Variants in CNTLN observed in about 807,000 individuals in gnomAD.
CNTLN encodes the protein centlein, also known as centlein, centrosomal protein.
A neutral mutation model predicts 180.0 loss-of-function variants in CNTLN; 212 were observed. The observed-to-expected ratio is 1.18, with a 90% confidence interval of 1.05 to 1.32. The LOEUF is 1.32. Among genes scored for constraint, CNTLN ranks in the 40% most tolerant of loss-of-function variants. The pLI, the probability that CNTLN is intolerant of heterozygous loss-of-function variation, is 0.00. For missense variants in CNTLN, 2,095 were observed against 1,610.9 expected, an observed-to-expected ratio of 1.30 and a Z score of -5.14; for synonymous variants, 722 against 563.1, an observed-to-expected ratio of 1.28 and a Z score of -3.99.
At chr9:17,295,563 A>G (rs1335195704) in intron 6 of CNTLN, among the ~76,000 whole-genome samples, 1 of 151,966 alleles carries the variant, frequency 6.6e-6, no homozygotes, top group Non-Finnish European at 1.5e-5. Flanking sequence ...TTGCCGGTGC[A>G]GGATTCACTC....
At chr9:17,256,985 T>A (rs1387280082) in intron 5 of CNTLN, among the ~76,000 whole-genome samples, 5 of 152,016 alleles carry the variant, frequency 3.3e-5, no homozygotes, top group African/African-American at 4.8e-5. Context: ...ATTTTTTTTT[T>A]ATTATTATAC....
At chr9:17,178,451 C>G (rs1820878020) in intron 2 of CNTLN, among the ~76,000 whole-genome samples, 1 of 152,136 alleles carries the variant, frequency 6.6e-6, no homozygotes, top group African/African-American at 2.4e-5. Context: ...ACTGGGCGCC[C>G]TGGAATAGGG....
In CNTLN at chr9:17,477,374, T is replaced by G. The variant is rs115116906; in HGVS notation, c.3856-6921T>G. Among the ~76,000 whole-genome samples the G allele has an allele frequency of 6.4e-3, 982 of 152,266 alleles. 8 individuals carry two copies. The highest frequency in any genetic ancestry group is 0.023 in the African/African-American group (951 of 41,554). On this transcript the variant is annotated intron_variant, in intron 23 of 25. Transcript: ENST00000380647. The stretch of plus-strand genomic sequence containing the variant: ...TTGAAGACTTTAAAGTCTTATTATT[T>G]AAGAAATACATTTCACAAGGCATAG...
intron 15 of CNTLN, among the ~76,000 whole-genome samples, chr9:17,403,028 G>A (rs980430149): frequency 2.6e-5 from 4 of 151,704 alleles, no homozygotes; most frequent in African/African-American, 7.3e-5. Context: ...TTGAGGGAGT[G>A]CGTCAAAAGA....
chr9:17,211,586 G>A (rs1308403642), intron 2 of CNTLN, among the ~76,000 whole-genome samples: 5 of 152,096 alleles, frequency 3.3e-5, no homozygotes, highest in Admixed American at 2.6e-4. Flanking sequence ...TTCCAATTCT[G>A]TGAAGAAAGT....
intron 8 of CNTLN, among the ~76,000 whole-genome samples, chr9:17,325,467 G>GT (rs1022619993): frequency 4.7e-5 from 7 of 147,852 alleles, no homozygotes; most frequent in African/African-American, 1.7e-4. Flanking sequence ...GTTTGAATTA[G>GT]TTTTCAGAGA....
intron 2 of CNTLN, among the ~76,000 whole-genome samples, chr9:17,218,350 T>A (rs919530204): frequency 2.6e-5 from 4 of 152,178 alleles, no homozygotes; most frequent in Admixed American, 2.0e-4. Flanking sequence ...TTTCTTTTTT[T>A]AAATATTTGC....
intron 8 of CNTLN, among the ~76,000 whole-genome samples, chr9:17,320,107 G>A (rs1419873245): frequency 6.6e-6 from 1 of 152,226 alleles, no homozygotes; most frequent in Admixed American, 6.5e-5. Flanking sequence ...ATCTGTGAAT[G>A]AGATACATGC....
At chr9:17,520,064 AC>A in the CNTLN span, among the ~76,000 whole-genome samples, 2 of 152,196 alleles carry the variant, frequency 1.3e-5, no homozygotes, top group Non-Finnish European at 2.9e-5. Context: ...CTGGAGCCTT[AC>A]CCTCATTCAA....
At chr9:17,450,215 C>T (rs893298024) in intron 18 of CNTLN, among the ~76,000 whole-genome samples, 2 of 152,108 alleles carry the variant, frequency 1.3e-5, no homozygotes, top group Admixed American at 1.3e-4. Context: ...TTTAGTATGA[C>T]CTTATAACAA....
chr9:17,339,261 G>A (rs1821288879), intron 10 of CNTLN, among the ~76,000 whole-genome samples: 1 of 152,162 alleles, frequency 6.6e-6, no homozygotes, highest in South Asian at 2.1e-4. Flanking sequence ...TAGAATTGCA[G>A]TAAAATAATG....
chr9:17,194,820 T>C (rs980635860), intron 2 of CNTLN, among the ~76,000 whole-genome samples: 2 of 152,100 alleles, frequency 1.3e-5, no homozygotes, highest in African/African-American at 4.8e-5. Flanking sequence ...GAAAAAGAAG[T>C]TTAATTGGAC....
At chr9:17,202,384 ATCCTTGTTAATTT>A (rs1482678682) in intron 2 of CNTLN, among the ~76,000 whole-genome samples, 1 of 152,064 alleles carries the variant, frequency 6.6e-6, no homozygotes, top group African/African-American at 2.4e-5. Flanking sequence ...AGGCCTGAAT[ATCCTTGTTAATTT>A]TCTGTCTCAT....
intron 12 of CNTLN, among the ~76,000 whole-genome samples, chr9:17,360,284 G>T (rs1587770618): frequency 6.6e-6 from 1 of 152,274 alleles, no homozygotes; most frequent in South Asian, 2.1e-4. Context: ...TCATAGGTAG[G>T]GACCACTGCA....
At chr9:17,370,078 A>G (rs1824182699) in intron 13 of CNTLN, among the ~76,000 whole-genome samples, 1 of 152,168 alleles carries the variant, frequency 6.6e-6, no homozygotes, top group Admixed American at 6.5e-5. Context: ...CTCAAAAGGG[A>G]AAATGTAGGA....
intron 6 of CNTLN, among the ~76,000 whole-genome samples, chr9:17,293,095 G>T (rs990811111): frequency 6.6e-6 from 1 of 152,206 alleles, no homozygotes; most frequent in Admixed American, 6.5e-5. Context: ...GCACCTGCAG[G>T]TATCAACAGT....
At chr9:17,368,569 C>T (rs1824027802) in intron 13 of CNTLN, among the ~76,000 whole-genome samples, 1 of 152,306 alleles carries the variant, frequency 6.6e-6, no homozygotes, top group South Asian at 2.1e-4. Context: ...GGTGTCAGTT[C>T]TGACCCCCAG....
At chr9:17,194,407 G>C (rs1421840725) in intron 2 of CNTLN, among the ~76,000 whole-genome samples, 1 of 152,164 alleles carries the variant, frequency 6.6e-6, no homozygotes, top group Non-Finnish European at 1.5e-5. Flanking sequence ...TCTCCTGCCA[G>C]ATACCCTAAA....
chr9:17,310,536 C>G (rs114827612), intron 8 of CNTLN, among the ~76,000 whole-genome samples: 2,358 of 152,214 alleles, frequency 0.015, 64 homozygotes, highest in African/African-American at 0.054. Context: ...TTGACATTTT[C>G]GCACATGTTT....
Sources: allele counts gnomAD v4.1 joint callset (sites outside exome capture counted in the v4.1 genomes callset), GRCh38; gene constraint gnomAD v4.1.1; transcripts MANE v1.5; gene names NCBI Gene and HGNC (gene_info 2026-07-23, HGNC 2026-07-21).